The following CTNNA2 variants were observed in gnomAD, a reference collection of about 807,000 sequenced individuals.
CTNNA2 encodes catenin alpha-2.
In CTNNA2, 42 loss-of-function variants were observed where a neutral mutation model predicts 101.0. The ratio of observed to expected loss-of-function variants is 0.42; its 90% CI spans 0.32 to 0.54. The LOEUF is 0.54. Ranked by LOEUF, CTNNA2 falls within the 20% of genes least tolerant of loss-of-function variation. The pLI, the probability that CTNNA2 is intolerant of heterozygous loss-of-function variation, is 0.14. For missense variants in CTNNA2, 871 were observed against 1,223.1 expected (o/e 0.71, Z 4.29); for synonymous variants, 450 against 456.4 (o/e 0.99, Z 0.18).
At chr2:79,998,079 T>C (rs192160875) in intron 7 of CTNNA2, among the ~76,000 whole-genome samples, 4 of 152,306 alleles carry the variant, frequency 2.6e-5, no homozygotes, top group Admixed American at 2.6e-4. Flanking sequence ...GTCTTTTGTC[T>C]GATTACATCA....
At chr2:80,082,684 T>A (rs996755201) in intron 7 of CTNNA2, among the ~76,000 whole-genome samples, 1 of 152,184 alleles carries the variant, frequency 6.6e-6, no homozygotes, top group African/African-American at 2.4e-5. Context: ...GAAGAAAAAA[T>A]TGAGCATTAA....
At chr2:80,568,708 A>G (rs151118916) in intron 12 of CTNNA2, among the ~76,000 whole-genome samples, 51 of 152,280 alleles carry the variant, frequency 3.3e-4, no homozygotes, top group African/African-American at 1.2e-3. Context: ...GAGATTGAAG[A>G]TTGAGTAGGA....
intron 4 of CTNNA2, among the ~76,000 whole-genome samples, chr2:79,414,422 A>T (rs967645087): frequency 6.6e-6 from 1 of 152,116 alleles, no homozygotes; most frequent in African/African-American, 2.4e-5. Context: ...ACACTAGCTC[A>T]ATGAGTTATC....
At chr2:79,435,806 G>GA (rs1678707019) in intron 4 of CTNNA2, among the ~76,000 whole-genome samples, 1 of 152,088 alleles carries the variant, frequency 6.6e-6, no homozygotes, top group East Asian at 1.9e-4. Context: ...ACTTTTGCCT[G>GA]GGTAGCATAG....
intron 7 of CTNNA2, among the ~76,000 whole-genome samples, chr2:80,363,004 C>CAAAAAAAAAAAAAAAAAA (rs35779761): frequency 8.7e-6 from 1 of 114,460 alleles, no homozygotes. Context: ...GACATCGTCT[C>CAAAAAAAAAAAAAAAAAA]AAAAAAAAAA....
chr2:79,469,485 T>C (rs1436575967), intron 4 of CTNNA2, among the ~76,000 whole-genome samples: 2 of 152,156 alleles, frequency 1.3e-5, no homozygotes, highest in African/African-American at 4.8e-5. Flanking sequence ...TCTGAAACTA[T>C]TCCAATCAAT....
chr2:79,224,653 C>A (rs1468462698), intron 2 of CTNNA2, among the ~76,000 whole-genome samples: 3 of 151,962 alleles, frequency 2.0e-5, no homozygotes, highest in African/African-American at 7.2e-5. Flanking sequence ...TGAGTTCACA[C>A]AAACATATAC....
At chr2:79,942,045 C>T (rs1018732116) in intron 7 of CTNNA2, among the ~76,000 whole-genome samples, 3 of 152,164 alleles carry the variant, frequency 2.0e-5, no homozygotes, top group African/African-American at 4.8e-5. Context: ...AAGCATAAGT[C>T]GTTTATGGCA....
intron 1 of CTNNA2, among the ~76,000 whole-genome samples, chr2:79,634,039 A>G (rs1679859695): frequency 6.6e-6 from 1 of 152,258 alleles, no homozygotes; most frequent in African/African-American, 2.4e-5. Context: ...AAGGGAATAC[A>G]GAAGACCAAT....
intron 7 of CTNNA2, among the ~76,000 whole-genome samples, chr2:80,279,083 T>TGTGTGTGA (rs1229748045): frequency 1.3e-5 from 2 of 150,248 alleles, no homozygotes. Flanking sequence ...TGTGTGTGTG[T>TGTGTGTGA]GTGAAACAGA....
At chr2:80,554,749 A>G (rs1031600599) in intron 11 of CTNNA2, among the ~76,000 whole-genome samples, 2 of 152,200 alleles carry the variant, frequency 1.3e-5, no homozygotes, top group African/African-American at 4.8e-5. Flanking sequence ...CATGCAGTTT[A>G]TTAGTTGGTG....
rs115918760 is a variant in CTNNA2, at chr2:79,191,815, G to C, written c.-523-6144G>C. 6.3e-3 allele frequency among the ~76,000 whole-genome samples: 954 copies of C among 152,274 alleles called. 9 individuals are homozygous for C. The highest frequency in any genetic ancestry group is 0.021 in the African/African-American group (889 of 41,568). On this transcript the variant is annotated intron_variant, in intron 1 of 21. Transcript: ENST00000466387. ...CATGTGTGGTAAGCAAACATGTTAT[G>C]TCACATAGTACCAAGTTCATTTTGG...
intron 4 of CTNNA2, among the ~76,000 whole-genome samples, chr2:79,440,283 G>A (rs988576949): frequency 1.3e-5 from 2 of 152,118 alleles, no homozygotes; most frequent in Non-Finnish European, 2.9e-5. Context: ...AGTGGATATG[G>A]CAGTAACGTA....
At chr2:79,308,543 T>G (rs1440823796) in intron 2 of CTNNA2, among the ~76,000 whole-genome samples, 1 of 152,206 alleles carries the variant, frequency 6.6e-6, no homozygotes, top group Non-Finnish European at 1.5e-5. Flanking sequence ...TTTTGTTCCC[T>G]GTGCTTTCGA....
intron 7 of CTNNA2, among the ~76,000 whole-genome samples, chr2:80,179,397 G>A (rs566493051): frequency 1.1e-3 from 174 of 151,752 alleles, no homozygotes; most frequent in African/African-American, 4.1e-3. Context: ...TTTTTGAGAC[G>A]GAGTCTCGCT....
At chr2:79,715,037 CA>C (rs60331511) in intron 2 of CTNNA2, among the ~76,000 whole-genome samples, 1,208 of 97,138 alleles carry the variant, frequency 0.012, 8 homozygotes, top group Middle Eastern at 0.017. Flanking sequence ...CTAAAAATAC[CA>C]AAAAAAAAAA....
At chr2:79,875,341 A>G (rs1412181723) in intron 6 of CTNNA2, among the ~76,000 whole-genome samples, 1 of 152,234 alleles carries the variant, frequency 6.6e-6, no homozygotes, top group Non-Finnish European at 1.5e-5. Flanking sequence ...ATTTATAAAT[A>G]ATTAGCATCT....
intron 7 of CTNNA2, among the ~76,000 whole-genome samples, chr2:80,103,539 C>T (rs1172868199): frequency 1.4e-4 from 21 of 152,100 alleles, no homozygotes; most frequent in Non-Finnish European, 2.9e-5. Context: ...AAGTGTAAGG[C>T]ACCTGCTATA....
intron 1 of CTNNA2, among the ~76,000 whole-genome samples, chr2:79,608,328 A>G (rs1347533943): frequency 1.3e-5 from 2 of 152,088 alleles, no homozygotes; most frequent in African/African-American, 4.8e-5. Context: ...CTTTGCCCAA[A>G]CATGTAAAGA....
Sources: allele counts gnomAD v4.1 joint callset (sites outside exome capture counted in the v4.1 genomes callset), GRCh38; gene constraint gnomAD v4.1.1; transcripts MANE v1.5; gene names NCBI Gene and HGNC (gene_info 2026-07-23, HGNC 2026-07-21).